Variants in AUTS2 observed in about 807,000 individuals in gnomAD.
AUTS2 encodes autism susceptibility gene 2 protein.
A neutral mutation model predicts 112.4 loss-of-function variants in AUTS2; 17 were observed. The observed-to-expected ratio is 0.15, with a 90% CI of 0.10 to 0.23. The LOEUF is 0.23. Ranked by LOEUF, AUTS2 falls within the 10% of genes least tolerant of loss-of-function variation. AUTS2 has a pLI of 1.00. For missense variants in AUTS2, 1,510 were observed against 1,701.6 expected (o/e 0.89, Z 1.98); for synonymous variants, 751 against 702.7 (o/e 1.07, Z -1.09).
chr7:69,745,432 A>C (rs1787448775), intron 1 of AUTS2, among the ~76,000 whole-genome samples: 1 of 152,202 alleles, frequency 6.6e-6, no homozygotes, highest in African/African-American at 2.4e-5. Context: ...AGCCTAGCTT[A>C]TGAAATTTGA....
Position 70,724,477 on chromosome 7 carries a change from G to A in AUTS2, c.742+25857G>A, listed in dbSNP as rs1033528408. ...TTTTTTTTTTTTGAGACAGAGTCTC[G>A]CTTTGTCGCCCAGGCTGGAGTGCAT... On this transcript the variant is annotated intron_variant, in intron 6 of 18. Transcript: ENST00000342771. 7.5e-4 allele frequency among the ~76,000 whole-genome samples: 73 copies of A among 97,860 alleles called. 2 individuals carry two copies. The East Asian group carries it at 0.033, about 44-fold the overall frequency. 64.2% of individuals were successfully genotyped at this position (97,860 alleles called of 152,430 possible). A position where few individuals can be genotyped will look rare whatever the true frequency, so the allele number is the denominator to read the frequency against.
intron 4 of AUTS2, among the ~76,000 whole-genome samples, chr7:70,431,927 C>T (rs1427895250): frequency 6.6e-6 from 1 of 152,224 alleles, no homozygotes; most frequent in Non-Finnish European, 1.5e-5. Context: ...GGCGTGCACA[C>T]GTCCTCTTTC....
intron 5 of AUTS2, among the ~76,000 whole-genome samples, chr7:70,590,112 G>A (rs1240450496): frequency 6.7e-6 from 1 of 148,754 alleles, no homozygotes; most frequent in African/African-American, 2.5e-5. Context: ...CCAGGAACTT[G>A]TTTTTGCATT....
intron 6 of AUTS2, among the ~76,000 whole-genome samples, chr7:70,715,692 C>A (rs1012696466): frequency 2.0e-5 from 3 of 152,064 alleles, no homozygotes; most frequent in African/African-American, 4.8e-5. Flanking sequence ...CCACCACACC[C>A]AGCTAATTTT....
chr7:69,746,603 T>G (rs533183942), intron 1 of AUTS2, among the ~76,000 whole-genome samples: 3 of 152,078 alleles, frequency 2.0e-5, no homozygotes, highest in African/African-American at 7.2e-5. Flanking sequence ...AAGGTACAAG[T>G]GTCCTAAGTG....
At chr7:70,453,272 G>T (rs1489748892) in intron 5 of AUTS2, among the ~76,000 whole-genome samples, 1 of 152,228 alleles carries the variant, frequency 6.6e-6, no homozygotes, top group African/African-American at 2.4e-5. Flanking sequence ...CTGTCTAAAA[G>T]ATGACGGGGG....
rs10611601 is a variant in AUTS2 at position 70,579,244 on chromosome 7, T to TAAAAAAAAA, written c.691-119315_691-119307dup. ...ATGCCCAGCCTTATATTCTCTTTTC[T>TAAAAAAAAA]AAAAAAAAAAAAAAAAAAGATGAAG... On this transcript the variant is annotated intron_variant, in intron 5 of 18. Transcript: ENST00000342771. 6.9e-3 allele frequency among the ~76,000 whole-genome samples: 385 copies of TAAAAAAAAA among 55,866 alleles called. 49 individuals carry two copies. The highest frequency in any genetic ancestry group is 0.045 in the South Asian group (29 of 648). 36.7% of individuals were successfully genotyped at this position (55,866 alleles called of 152,430 possible).
chr7:70,621,043 G>A (rs1215252188), intron 5 of AUTS2, among the ~76,000 whole-genome samples: 2 of 152,234 alleles, frequency 1.3e-5, no homozygotes, highest in Non-Finnish European at 2.9e-5. Flanking sequence ...CGGTGGGGTA[G>A]GGAAAGAGCC....
intron 2 of AUTS2, among the ~76,000 whole-genome samples, chr7:70,001,914 T>C (rs1210379647): frequency 6.6e-6 from 1 of 152,052 alleles, no homozygotes; most frequent in African/African-American, 2.4e-5. Flanking sequence ...TTTCACCGTA[T>C]TGGTCAGGCT....
At chr7:69,834,024 G>A (rs1377567336) in intron 1 of AUTS2, among the ~76,000 whole-genome samples, 1 of 152,134 alleles carries the variant, frequency 6.6e-6, no homozygotes, top group East Asian at 1.9e-4. Flanking sequence ...GGGCAGCTAG[G>A]TCATGAACCA....
chr7:70,331,753 T>C (rs1000950554), intron 4 of AUTS2, among the ~76,000 whole-genome samples: 1 of 152,184 alleles, frequency 6.6e-6, no homozygotes, highest in Admixed American at 6.5e-5. Context: ...GAAAAGGCCT[T>C]CGATAAAATT....
At chr7:69,704,913 C>T (rs1252539802) in intron 1 of AUTS2, among the ~76,000 whole-genome samples, 1 of 152,168 alleles carries the variant, frequency 6.6e-6, no homozygotes, top group Non-Finnish European at 1.5e-5. Context: ...GTCACCCAGG[C>T]TAGAGTGCAG....
At chr7:70,299,930 T>C (rs1789128849) in intron 4 of AUTS2, among the ~76,000 whole-genome samples, 1 of 152,152 alleles carries the variant, frequency 6.6e-6, no homozygotes, top group Non-Finnish European at 1.5e-5. Flanking sequence ...TGTAGTCTGA[T>C]GCATGATCTG....
intron 4 of AUTS2, among the ~76,000 whole-genome samples, chr7:70,231,837 G>A (rs1027391687): frequency 2.0e-4 from 31 of 151,284 alleles, no homozygotes; most frequent in Admixed American, 1.7e-3. Context: ...GCAGTGGCGC[G>A]ATCTTGGCTC....
intron 1 of AUTS2, among the ~76,000 whole-genome samples, chr7:69,806,635 A>AT (rs920274971): frequency 2.0e-5 from 3 of 152,024 alleles, no homozygotes; most frequent in Non-Finnish European, 2.9e-5. Flanking sequence ...CGCCTGGCTA[A>AT]TTTTTTTGAT....
intron 4 of AUTS2, among the ~76,000 whole-genome samples, chr7:70,402,621 C>A (rs539590171): frequency 6.6e-6 from 1 of 152,114 alleles, no homozygotes. Context: ...GGCTTGCATG[C>A]GGGAAGAGCA....
intron 1 of AUTS2, among the ~76,000 whole-genome samples, chr7:69,733,711 A>G (rs1786903367): frequency 6.6e-6 from 1 of 152,190 alleles, no homozygotes. Context: ...CACCACTAGC[A>G]TCCTTAGTGT....
intron 4 of AUTS2, among the ~76,000 whole-genome samples, chr7:70,368,643 C>T (rs750752025): frequency 4.6e-5 from 7 of 152,144 alleles, no homozygotes; most frequent in East Asian, 1.9e-4. Context: ...AGCTCCATCT[C>T]GGTATTTGCC....
chr7:70,509,889 C>T (rs1316344267), intron 5 of AUTS2, among the ~76,000 whole-genome samples: 2 of 152,174 alleles, frequency 1.3e-5, no homozygotes, highest in Admixed American at 6.5e-5. Flanking sequence ...GTGGAAGAAA[C>T]ACCCTATTTC....
Sources: gnomAD v4.1 joint callset for allele counts (sites outside exome capture counted in the v4.1 genomes callset) on GRCh38, gnomAD v4.1.1 for gene constraint, MANE v1.5 for transcripts, NCBI Gene and HGNC (gene_info 2026-07-23, HGNC 2026-07-21) for gene names.